DENND1B: variants seen among roughly 807,000 people sequenced by gnomAD.
DENND1B encodes DENN domain-containing protein 1B.
DENND1B carries 59 observed loss-of-function variants against 90.1 expected under a neutral mutation model. The observed-to-expected ratio is 0.65, with a 90% CI of 0.53 to 0.81. The LOEUF (loss-of-function observed/expected upper bound fraction) is 0.81, where lower values mean the gene tolerates loss of function less well. Ranked by LOEUF, DENND1B falls within the 40% of genes least tolerant of loss-of-function variation. The pLI, the probability that DENND1B is intolerant of heterozygous loss-of-function variation, is 0.00. For missense variants in DENND1B, 862 were observed against 912.6 expected (o/e 0.94, Z 0.71); for synonymous variants, 337 against 324.6 (o/e 1.04, Z -0.41).
chr1:197,752,277 T>G (rs1224443305), intron 2 of DENND1B, among the ~76,000 whole-genome samples: 2 of 152,046 alleles, frequency 1.3e-5, no homozygotes, highest in African/African-American at 4.8e-5. Context: ...CCTTTCACAA[T>G]TAAATAAAAT....
chr1:197,662,458 G>A (rs1316613273), intron 5 of DENND1B, among the ~76,000 whole-genome samples: 1 of 151,988 alleles, frequency 6.6e-6, no homozygotes, highest in Non-Finnish European at 1.5e-5. Flanking sequence ...GCTATGGAAT[G>A]GCAATCTTGG....
intron 15 of DENND1B, among the ~76,000 whole-genome samples, chr1:197,569,386 T>C (rs533306866): frequency 1.2e-4 from 18 of 152,166 alleles, no homozygotes; most frequent in Admixed American, 7.2e-4. Context: ...AAACCAAAAA[T>C]AGAACTATTA....
At chr1:197,681,981 T>C (rs1255385725) in intron 3 of DENND1B, among the ~76,000 whole-genome samples, 1 of 151,980 alleles carries the variant, frequency 6.6e-6, no homozygotes, top group African/African-American at 2.4e-5. Context: ...TTGTTTTTGT[T>C]TTTCTGGTCC....
intron 2 of DENND1B, among the ~76,000 whole-genome samples, chr1:197,737,117 C>T (rs191889501): frequency 1.3e-5 from 2 of 152,282 alleles, no homozygotes; most frequent in African/African-American, 4.8e-5. Context: ...TCCAATTGCA[C>T]ACATAGGGCA....
intron 12 of DENND1B, among the ~76,000 whole-genome samples, chr1:197,609,966 T>C (rs1034110407): frequency 2.0e-5 from 3 of 150,714 alleles, no homozygotes; most frequent in African/African-American, 7.3e-5. Context: ...CTAGAAATTT[T>C]AGTGAAAAAA....
At chr1:197,731,808 GGACAAGCTTGCTATACAT>G (rs1225726665) in intron 2 of DENND1B, among the ~76,000 whole-genome samples, 146 of 152,282 alleles carry the variant, frequency 9.6e-4, no homozygotes, top group African/African-American at 3.3e-3. Flanking sequence ...GCCATAGGTT[GGACAAGCTTGCTATACAT>G]GATCTTTCTC....
chr1:197,731,706 CA>C (rs969245199), intron 2 of DENND1B, among the ~76,000 whole-genome samples: 35 of 151,094 alleles, frequency 2.3e-4, no homozygotes, highest in Non-Finnish European at 4.6e-4. Context: ...AGCTGATGAG[CA>C]AAAAAAAGGA....
chr1:197,641,647 A>AT (rs577092892), intron 10 of DENND1B, among the ~76,000 whole-genome samples: 17 of 152,192 alleles, frequency 1.1e-4, no homozygotes, highest in Non-Finnish European at 2.2e-4. Flanking sequence ...AATTGTATGT[A>AT]TTTTTTTCAA....
chr1:197,548,665 A>G (rs543626525), intron 16 of DENND1B, among the ~76,000 whole-genome samples: 72 of 152,224 alleles, frequency 4.7e-4, no homozygotes, highest in African/African-American at 1.7e-3. Context: ...TATTCCTTCA[A>G]CTCTGAAAAA....
chr1:197,525,717 C>T (rs1171503548), intron 20 of DENND1B, among the ~76,000 whole-genome samples: 1 of 151,914 alleles, frequency 6.6e-6, no homozygotes, highest in East Asian at 1.9e-4. Context: ...CTCAGATTTA[C>T]CATATTAATA....
At chr1:197,695,264 C>T (rs975678856) in intron 3 of DENND1B, among the ~76,000 whole-genome samples, 1 of 150,846 alleles carries the variant, frequency 6.6e-6, no homozygotes, top group Non-Finnish European at 1.5e-5. Context: ...TATAATGTTT[C>T]GTTCTGATTC....
chr1:197,636,302 T>C (rs1001871952), intron 10 of DENND1B, among the ~76,000 whole-genome samples: 2 of 152,136 alleles, frequency 1.3e-5, no homozygotes, highest in African/African-American at 2.4e-5. Flanking sequence ...CGACTAGACC[T>C]GCAAAGACGA....
chr1:197,658,043 C>A (rs1254946287), intron 6 of DENND1B, among the ~76,000 whole-genome samples: 1 of 152,086 alleles, frequency 6.6e-6, no homozygotes, highest in South Asian at 2.1e-4. Flanking sequence ...GATACATAGA[C>A]TATTCAGATT....
chr1:197,606,458 C>A (rs1676692437), intron 13 of DENND1B: 1 of 151,194 alleles, frequency 6.6e-6, no homozygotes, highest in Non-Finnish European at 1.5e-5. Flanking sequence ...AAGCAAATGA[C>A]AAACAGTGTA....
At chr1:197,586,110 T>C (rs754334817) in intron 14 of DENND1B, among the ~76,000 whole-genome samples, 3 of 152,186 alleles carry the variant, frequency 2.0e-5, no homozygotes, top group Non-Finnish European at 4.4e-5. Context: ...TTCATAATAA[T>C]GTAAGTCATT....
intron 10 of DENND1B, among the ~76,000 whole-genome samples, chr1:197,619,887 T>C (rs1340595808): frequency 6.6e-6 from 1 of 151,234 alleles, no homozygotes; most frequent in Non-Finnish European, 1.5e-5. Flanking sequence ...CTAATCAAGA[T>C]CTACCAGAAG....
chr1:197,775,487 G>C (rs1313902581), upstream of DENND1B: 4 of 212,542 alleles, frequency 1.9e-5, no homozygotes, highest in Admixed American at 1.2e-4. Context: ...TTGCAAATCA[G>C]GAAGTCGCCG....
intron 6 of DENND1B, among the ~76,000 whole-genome samples, 183 bp downstream of exon 6, chr1:197,658,117 T>C (rs1654033476): frequency 6.6e-6 from 1 of 152,094 alleles, no homozygotes; most frequent in South Asian, 2.1e-4. Flanking sequence ...GAGTAGATAC[T>C]GTTTAATGGA....
In DENND1B at chr1:197,508,371, G is replaced by A. The variant is rs1240811268; in HGVS notation, c.*2089C>T. 6.6e-6 allele frequency: 1 copy of A among 151,634 alleles called. No homozygotes were observed. Among genetic ancestry groups the A allele is most frequent in the Non-Finnish European group, 1.5e-5 (1 of 67,770 alleles). The allele number at this position is 151,634 out of a possible 1,614,324, so 9.4% of individuals were successfully genotyped here. On this transcript the variant is annotated 3_prime_UTR_variant, in exon 23 of 23. Transcript: ENST00000620048. ...ATTATAAACTTCAGTAAAGTAAGTT[G>A]TAATTTTGTAATAAGCTTATAAAGG...
Sources: gnomAD v4.1 joint callset for allele counts (sites outside exome capture counted in the v4.1 genomes callset) on GRCh38, gnomAD v4.1.1 for gene constraint, MANE v1.5 for transcripts, NCBI Gene and HGNC (gene_info 2026-07-23, HGNC 2026-07-21) for gene names.